Variants in CDH12 observed in about 807,000 individuals in gnomAD.
CDH12 encodes cadherin-12.
Under a neutral mutation model 74.1 loss-of-function variants are expected in CDH12, and 41 were observed. That is an observed-to-expected ratio of 0.55 (90% CI 0.43 to 0.72). The LOEUF is 0.72. CDH12 is among the 30% of genes least tolerant of loss of function. The pLI is 0.00. For synonymous variants in CDH12, 399 were observed against 355.0 expected (o/e 1.12, Z -1.39); for missense variants, 945 against 977.2 (o/e 0.97, Z 0.44).
chr5:21,972,909 TA>T (rs991132285), intron 6 of CDH12, among the ~76,000 whole-genome samples: 13 of 149,544 alleles, frequency 8.7e-5, no homozygotes, highest in Admixed American at 2.0e-4. Flanking sequence ...TTATTAAAAA[TA>T]AAAAAAAAGG....
intron 1 of CDH12, among the ~76,000 whole-genome samples, chr5:22,571,647 T>C (rs1408107460): frequency 1.3e-5 from 2 of 152,186 alleles, no homozygotes; most frequent in Admixed American, 1.3e-4. Flanking sequence ...ACTTTTCATT[T>C]AAAGTGAGAG....
At chr5:21,969,309 A>C (rs1053029329) in intron 6 of CDH12, among the ~76,000 whole-genome samples, 4 of 152,176 alleles carry the variant, frequency 2.6e-5, no homozygotes, top group Non-Finnish European at 4.4e-5. Context: ...AACATGAATC[A>C]TTGAGAGCCA....
chr5:22,039,013 T>C (rs975475711), intron 5 of CDH12, among the ~76,000 whole-genome samples: 37 of 152,054 alleles, frequency 2.4e-4, no homozygotes, highest in Non-Finnish European at 4.3e-4. Flanking sequence ...TCTCCTCCTG[T>C]CCCCCTGCCA....
chr5:21,992,248 A>C (rs1250132560), intron 5 of CDH12, among the ~76,000 whole-genome samples: 3 of 152,124 alleles, frequency 2.0e-5, no homozygotes, highest in Non-Finnish European at 2.9e-5. Flanking sequence ...AAATGCAAAA[A>C]CGAAAAAAAT....
At chr5:22,231,897 A>T (rs1287080994) in intron 3 of CDH12, among the ~76,000 whole-genome samples, 1 of 151,996 alleles carries the variant, frequency 6.6e-6, no homozygotes, top group Non-Finnish European at 1.5e-5. Context: ...TATGAAATGC[A>T]ATAAAGAATT....
chr5:21,878,072 G>C (rs1278503182), intron 6 of CDH12, among the ~76,000 whole-genome samples: 6 of 152,196 alleles, frequency 3.9e-5, no homozygotes. Flanking sequence ...GATAGAAATA[G>C]TGTCTGTCTA....
chr5:22,114,546 TTTA>T (rs1472472630), intron 4 of CDH12, among the ~76,000 whole-genome samples: 2 of 152,222 alleles, frequency 1.3e-5, no homozygotes, highest in Non-Finnish European at 2.9e-5. Context: ...TTCTCAATTG[TTTA>T]TTGAGAATAA....
At chr5:21,848,466 A>G (rs960373864) in intron 7 of CDH12, among the ~76,000 whole-genome samples, 3 of 152,006 alleles carry the variant, frequency 2.0e-5, no homozygotes, top group Non-Finnish European at 4.4e-5. Context: ...GTTATGAGAG[A>G]GCAGATTTTG....
intron 2 of CDH12, among the ~76,000 whole-genome samples, chr5:22,450,681 A>G (rs1371379996): frequency 6.6e-6 from 1 of 151,860 alleles, no homozygotes; most frequent in Non-Finnish European, 1.5e-5. Flanking sequence ...GTATTTTAAA[A>G]CATACATTCA....
intron 6 of CDH12, among the ~76,000 whole-genome samples, chr5:21,927,967 G>A (rs1333651173): frequency 6.6e-6 from 1 of 152,020 alleles, no homozygotes; most frequent in Non-Finnish European, 1.5e-5. Context: ...AGCTACTCAG[G>A]AGGCTGAGGC....
chr5:22,550,607 C>T (rs971918765), intron 1 of CDH12, among the ~76,000 whole-genome samples: 2 of 152,158 alleles, frequency 1.3e-5, no homozygotes, highest in Admixed American at 6.5e-5. Flanking sequence ...TACTACTACA[C>T]CTTAAGTCCA....
At chr5:22,559,576 G>A (rs1738951992) in intron 1 of CDH12, among the ~76,000 whole-genome samples, 1 of 151,972 alleles carries the variant, frequency 6.6e-6, no homozygotes, top group African/African-American at 2.4e-5. Flanking sequence ...AAGACAAAGA[G>A]GAGAAGAGTT....
intron 2 of CDH12, among the ~76,000 whole-genome samples, chr5:22,498,106 C>T (rs1269436168): frequency 2.0e-5 from 3 of 152,110 alleles, no homozygotes; most frequent in Non-Finnish European, 4.4e-5. Context: ...GCTCCCATAT[C>T]TATTCCAAGT....
At chr5:22,612,501 A>G (rs1737458324) in intron 1 of CDH12, among the ~76,000 whole-genome samples, 1 of 152,130 alleles carries the variant, frequency 6.6e-6, no homozygotes, top group East Asian at 1.9e-4. Context: ...TCTTAATTTT[A>G]CTTAACAAAT....
chr5:22,121,022 A>G (rs1447480800), intron 4 of CDH12, among the ~76,000 whole-genome samples: 1 of 152,220 alleles, frequency 6.6e-6, no homozygotes, highest in Non-Finnish European at 1.5e-5. Flanking sequence ...TTTGAAGTTG[A>G]GCTTATCTCA....
chr5:22,027,793 G>T (rs983108129), intron 5 of CDH12, among the ~76,000 whole-genome samples: 17 of 152,076 alleles, frequency 1.1e-4, no homozygotes, highest in Admixed American at 5.2e-4. Context: ...TTTTTGAAGG[G>T]TTTTTTGTGT....
chr5:22,459,814 A>G (rs2126581789), intron 2 of CDH12, among the ~76,000 whole-genome samples: 1 of 152,108 alleles, frequency 6.6e-6, no homozygotes, highest in African/African-American at 2.4e-5. Context: ...AAAACACAAA[A>G]AATTAGCCGG....
Position 21,804,989 on chromosome 5 carries a change from A to T in CDH12, c.1003-2569T>A, listed in dbSNP as rs138582124. 4.3e-3 allele frequency among the ~76,000 whole-genome samples: 655 copies of T among 152,294 alleles called. 2 individuals carry two copies. The highest frequency in any genetic ancestry group is 0.015 in the African/African-American group (610 of 41,596). On this transcript the variant is annotated intron_variant, in intron 9 of 14. Transcript: ENST00000382254. The stretch of plus-strand genomic sequence containing the variant: ...TGTTTTTCCAAACTCTAAATGCTCT[A>T]TAAATGTTAAACAATATAAGTGGTC...
intron 6 of CDH12, among the ~76,000 whole-genome samples, chr5:21,957,663 C>T (rs537176170): frequency 2.4e-4 from 37 of 152,216 alleles, no homozygotes; most frequent in Admixed American, 5.2e-4. Flanking sequence ...CTCTAATGAT[C>T]AGTGATATTG....
Sources: gnomAD v4.1 joint callset for allele counts (sites outside exome capture counted in the v4.1 genomes callset) on GRCh38, gnomAD v4.1.1 for gene constraint, MANE v1.5 for transcripts, NCBI Gene and HGNC (gene_info 2026-07-23, HGNC 2026-07-21) for gene names.